The following HACD2 variants were observed in gnomAD, a reference collection of about 807,000 sequenced individuals.
HACD2 encodes very-long-chain (3R)-3-hydroxyacyl-CoA dehydratase 2.
In HACD2, 15 loss-of-function variants were observed where a neutral mutation model predicts 31.0. The observed-to-expected ratio is 0.48, with a 90% CI of 0.32 to 0.75. The LOEUF (loss-of-function observed/expected upper bound fraction) is 0.75. Among genes scored for constraint, HACD2 ranks in the 30% least tolerant of loss-of-function variants. The probability of loss-of-function intolerance (pLI) is 0.03; values close to 1 mark genes in which losing one functional copy is unlikely to be tolerated. For synonymous variants in HACD2, 115 were observed against 122.2 expected (o/e 0.94, Z 0.39); for missense variants, 283 against 313.0 (o/e 0.90, Z 0.72).
intron 3 of HACD2, among the ~76,000 whole-genome samples, chr3:123,558,850 A>G (rs1464109953): frequency 6.6e-6 from 1 of 152,198 alleles, no homozygotes; most frequent in Non-Finnish European, 1.5e-5. Context: ...CCAACTTTGC[A>G]GGACTAACCT....
Position 123,500,636 on chromosome 3 carries a change from T to C in HACD2, c.561A>G (p.Ile187Met). The C allele has an allele frequency of 6.2e-7, 1 of 1,613,418 alleles. No homozygotes were observed. Among genetic ancestry groups the C allele is most frequent in the Non-Finnish European group, 8.5e-7 (1 of 1,179,446 alleles). The change falls in exon 6 of 7, where the codon ATA becomes ATG. Residue 187 changes from isoleucine (I) to methionine (M), a missense_variant. Ile to Met is a conservative substitution (Grantham distance 10). This residue lies in a region of HACD2 where 85 missense variants were observed against 129.6 expected (regional missense o/e 0.66). Coordinates refer to ENST00000383657, the MANE Select transcript of HACD2 (RefSeq NM_198402.5). ...PMGVSGELLT[I>M]YAALPFVRQA... is the part of the protein sequence containing the mutation. ...GTCTGACAAAGGGCAGAGCTGCATA[T>C]ATTGTGAGCAGTTCTCCTGACACTC...
intron 4 of HACD2, among the ~76,000 whole-genome samples, chr3:123,527,743 T>A (rs371978884): frequency 1.3e-5 from 2 of 152,360 alleles, no homozygotes. Flanking sequence ...AATTTGTGCT[T>A]GTTTTGCTGG....
At chr3:123,510,077 A>G (rs1212974954) in intron 4 of HACD2, among the ~76,000 whole-genome samples, 3 of 152,178 alleles carry the variant, frequency 2.0e-5, no homozygotes, top group South Asian at 2.1e-4. Flanking sequence ...TTGTGCAACC[A>G]TTACCACTAT....
At chr3:123,515,549 G>A (rs997399026) in intron 4 of HACD2, among the ~76,000 whole-genome samples, 1 of 152,108 alleles carries the variant, frequency 6.6e-6, no homozygotes, top group Non-Finnish European at 1.5e-5. Context: ...TGGTTGGTCC[G>A]TCAGCTGAGG....
intron 2 of HACD2, 72 bp from the exon 3 acceptor site, chr3:123,567,852 C>T: frequency 9.9e-7 from 1 of 1,013,736 alleles, no homozygotes; most frequent in Non-Finnish European, 1.4e-6. Flanking sequence ...TTCATATAAA[C>T]TAATGTTTCA....
At position 123,585,004 on chromosome 3, in the gene HACD2, T is replaced by TGCAGTCGCCGCCACTGCC. The variant is rs1233868993; in HGVS notation, c.6_23dup (p.Val4_Ala9dup). 1.1e-4 allele frequency: 164 copies of TGCAGTCGCCGCCACTGCC among 1,507,976 alleles called. No individual in the cohort carries two copies. The highest frequency in any genetic ancestry group is 1.4e-4 in the Non-Finnish European group (156 of 1,128,012). The allele number at this position is 1,507,976 out of a possible 1,614,324, so 93.4% of individuals were successfully genotyped here. On this transcript the variant is annotated inframe_insertion, in exon 1 of 7. Transcript: ENST00000383657. The stretch of plus-strand genomic sequence containing the variant: ...CGCCGCCCCCATTCCCCTTCGCTGC[T>TGCAGTCGCCGCCACTGCC]GCAGTCGCCGCCACTGCCGCCATGT...
At chr3:123,513,074 C>A in intron 4 of HACD2, among the ~76,000 whole-genome samples, 1 of 152,084 alleles carries the variant, frequency 6.6e-6, no homozygotes, top group East Asian at 1.9e-4. Context: ...TAAGGAAATA[C>A]TCAATGGATG....
At chr3:123,528,150 C>T (rs1193679934) in intron 4 of HACD2, among the ~76,000 whole-genome samples, 1 of 152,190 alleles carries the variant, frequency 6.6e-6, no homozygotes. Flanking sequence ...TCCATGAGAA[C>T]TCAGATTACA....
intron 4 of HACD2, among the ~76,000 whole-genome samples, chr3:123,519,720 TG>T (rs1379790196): frequency 6.6e-6 from 1 of 152,228 alleles, no homozygotes; most frequent in Non-Finnish European, 1.5e-5. Context: ...ACTGACATTT[TG>T]GCAAAGAAGC....
chr3:123,568,471 C>T (rs1347200123), intron 2 of HACD2, among the ~76,000 whole-genome samples: 1 of 152,206 alleles, frequency 6.6e-6, no homozygotes, highest in East Asian at 1.9e-4. Flanking sequence ...GTTCAACAGT[C>T]CTTCCTTCCC....
chr3:123,570,562 A>AGTACATTACTATTTCAAATCAGCTAG (rs2056842971), intron 2 of HACD2, among the ~76,000 whole-genome samples: 1 of 152,220 alleles, frequency 6.6e-6, no homozygotes, highest in Non-Finnish European at 1.5e-5. Context: ...AAATTGAAGG[A>AGTACATTACTATTTCAAATCAGCTAG]GTACATTACT....
At chr3:123,506,984 T>G (rs1384324900) in intron 4 of HACD2, among the ~76,000 whole-genome samples, 4 of 152,212 alleles carry the variant, frequency 2.6e-5, no homozygotes, top group African/African-American at 9.6e-5. Context: ...GGCTTATGAC[T>G]GAGTGGCTCT....
intron 6 of HACD2, chr3:123,499,524 C>T: frequency 2.4e-6 from 1 of 411,626 alleles, no homozygotes; most frequent in South Asian, 1.7e-5. Flanking sequence ...TAGTTTTTTT[C>T]TCACAATGCA....
chr3:123,559,612 C>T (rs371795836), intron 3 of HACD2, among the ~76,000 whole-genome samples: 9 of 152,260 alleles, frequency 5.9e-5, no homozygotes, highest in South Asian at 2.1e-4. Flanking sequence ...ACTTGTCAAA[C>T]GACTAGTAAT....
At chr3:123,496,664 T>C (rs1030870236) in intron 6 of HACD2, among the ~76,000 whole-genome samples, 2 of 152,186 alleles carry the variant, frequency 1.3e-5, no homozygotes, top group Middle Eastern at 3.2e-3. Flanking sequence ...ATCTAAAAAC[T>C]GGAAGTAAAG....
chr3:123,555,809 C>A (rs2107735728), intron 3 of HACD2, among the ~76,000 whole-genome samples: 1 of 152,210 alleles, frequency 6.6e-6, no homozygotes, highest in Middle Eastern at 3.4e-3. Context: ...CTTCTACTAC[C>A]AGATTTTAAG....
chr3:123,572,235 G>A (rs967948939), intron 2 of HACD2, among the ~76,000 whole-genome samples: 3 of 152,212 alleles, frequency 2.0e-5, no homozygotes, highest in African/African-American at 7.2e-5. Context: ...ACCAGGCACA[G>A]TGGCTCATAC....
Position 123,537,150 on chromosome 3 carries a change from G to T in HACD2, c.293-8676C>A, listed in dbSNP as rs190870141. On this transcript the variant is annotated intron_variant, in intron 3 of 6. Coordinates refer to ENST00000383657, the MANE Select transcript of HACD2 (RefSeq NM_198402.5). ...ATTTAAAAATAGGAGTGAGGGAAGA[G>T]ATACTAATTTCCTTAACAGAATTAA... 1.8e-4 allele frequency among the ~76,000 whole-genome samples: 27 copies of T among 152,250 alleles called. 1 individual carries two copies. In the East Asian group the frequency reaches 5.2e-3, roughly 29 times the overall value.
intron 4 of HACD2, among the ~76,000 whole-genome samples, chr3:123,520,321 A>G (rs1299300331): frequency 6.6e-6 from 1 of 152,260 alleles, no homozygotes; most frequent in East Asian, 1.9e-4. Flanking sequence ...TCACATACAC[A>G]TAAGATAAAA....
Sources: allele counts gnomAD v4.1 joint callset (sites outside exome capture counted in the v4.1 genomes callset), GRCh38; gene constraint gnomAD v4.1.1; regional missense constraint gnomAD v4.1.1; transcripts MANE v1.5; gene names NCBI Gene and HGNC (gene_info 2026-07-23, HGNC 2026-07-21).